The following FUBP3 variants were observed in gnomAD, a reference collection of about 807,000 sequenced individuals.
FUBP3 encodes far upstream element-binding protein 3.
In FUBP3, 28 loss-of-function variants were observed where a neutral mutation model predicts 85.6. That is an observed-to-expected ratio of 0.33 (90% CI 0.24 to 0.45). The LOEUF is 0.45. Among genes scored for constraint, FUBP3 ranks in the 20% least tolerant of loss-of-function variants. The probability of loss-of-function intolerance (pLI) is 1.00; values close to 1 mark genes in which losing one functional copy is unlikely to be tolerated. For missense variants in FUBP3, 583 were observed against 755.1 expected, an observed-to-expected ratio of 0.77 and a Z score of 2.67; for synonymous variants, 271 against 271.4, an observed-to-expected ratio of 1.00 and a Z score of 0.01.
At chr9:130,594,783 C>T (rs1830784555) in intron 1 of FUBP3, among the ~76,000 whole-genome samples, 1 of 150,668 alleles carries the variant, frequency 6.6e-6, no homozygotes, top group African/African-American at 2.4e-5. Context: ...TGAGGCCTTT[C>T]AAATATTCTT....
chr9:130,623,770 G>C lies in FUBP3; in HGVS notation c.975+59G>C, dbSNP rs145112455. 1.4e-5 allele frequency: 16 copies of C among 1,140,750 alleles called. No homozygotes were observed. The South Asian group carries it at 2.0e-4, about 14-fold the overall frequency. The allele number at this position is 1,140,750 out of a possible 1,614,324, so 70.7% of individuals were successfully genotyped here. ...GCTGCAGAAGTGGAAAGTGCTACCC[G>C]GGGCTCTCGGTGCAGCACCATAGAG... On this transcript the variant is annotated intron_variant, in intron 11 of 18. Transcript: ENST00000319725.
chr9:130,609,431 G>A (rs1261739562), intron 2 of FUBP3, among the ~76,000 whole-genome samples: 1 of 148,714 alleles, frequency 6.7e-6, no homozygotes, highest in East Asian at 2.0e-4. Context: ...AGATGCTTAT[G>A]GTCTTGGGGG....
chr9:130,636,099 G>T lies in FUBP3; in HGVS notation c.1683G>T (p.Thr561=). 2 of 1,613,620 alleles carry T rather than the reference G, an allele frequency of 1.2e-6. No homozygotes were observed. Among genetic ancestry groups the T allele is most frequent in the Non-Finnish European group, 1.7e-6 (2 of 1,179,894 alleles). The part of the protein sequence containing the change: ...YRQQVAFYGQ[T]LGQAQAHSQE... The stretch of plus-strand genomic sequence containing the variant: ...AGCAGGTCGCTTTCTACGGACAGAC[G>T]TTAGGGCAGGCGCAGGCCCACAGCC... The change falls in exon 18 of 19, where the codon ACG becomes ACT. Residue 561 remains threonine, a synonymous_variant. Transcript: ENST00000319725.
chr9:130,581,057 G>A (rs921404587), intron 1 of FUBP3: 4 of 152,168 alleles, frequency 2.6e-5, no homozygotes, highest in Non-Finnish European at 5.9e-5. Flanking sequence ...TTTCTCACTG[G>A]CTACTAATAT....
Position 130,631,976 on chromosome 9 carries a change from A to G in FUBP3, c.1387A>G (p.Asn463Asp), listed in dbSNP as rs1158879035. Residue 463 changes from asparagine (N) to aspartate (D), a missense_variant, in exon 15 of 19, where the codon AAC (asparagine) becomes GAC (aspartate). Around this residue, in one of 3 missense-constraint regions of FUBP3, gnomAD observed 404 missense variants for 516.8 expected, o/e 0.78. Transcript: ENST00000319725. ...FPPRSSGCFP[N>D]MAAKVNGNPH... Reference sequence around the variant, plus strand: ...TCCAAGGAGCTCCGGGTGCTTCCCAAACATGGCTGCCAAGGTGAATGGGAA... The same window carrying G: ...TCCAAGGAGCTCCGGGTGCTTCCCAGACATGGCTGCCAAGGTGAATGGGAA... The G allele has an allele frequency of 6.2e-7, 1 of 1,613,832 alleles. No homozygotes were observed. The highest frequency in any genetic ancestry group is 1.3e-5 in the African/African-American group (1 of 75,056).
At chr9:130,600,704 G>A (rs1588129387) in intron 2 of FUBP3, among the ~76,000 whole-genome samples, 3 of 152,104 alleles carry the variant, frequency 2.0e-5, no homozygotes, top group African/African-American at 7.2e-5. Context: ...CAGGCATGGT[G>A]GCTTATGCCT....
intron 12 of FUBP3, among the ~76,000 whole-genome samples, chr9:130,627,569 C>G (rs542997655): frequency 6.6e-6 from 1 of 152,206 alleles, no homozygotes; most frequent in African/African-American, 2.4e-5. Flanking sequence ...TTGCAAAATG[C>G]AAGAAACCGT....
chr9:130,617,466 T>A (rs994202938), intron 7 of FUBP3, among the ~76,000 whole-genome samples: 48 of 152,192 alleles, frequency 3.2e-4, no homozygotes, highest in African/African-American at 1.1e-3. Flanking sequence ...GACTTGACTG[T>A]CAGTTCCACA....
At chr9:130,613,682 G>A (rs1445205911) in intron 5 of FUBP3, among the ~76,000 whole-genome samples, 2 of 152,226 alleles carry the variant, frequency 1.3e-5, no homozygotes, top group Non-Finnish European at 2.9e-5. Context: ...GTGTCTTGAA[G>A]GCAGTAAGTC....
At chr9:130,592,994 C>T (rs1830704534) in intron 1 of FUBP3, among the ~76,000 whole-genome samples, 1 of 152,060 alleles carries the variant, frequency 6.6e-6, no homozygotes, top group Admixed American at 6.6e-5. Flanking sequence ...ATATCTAGTT[C>T]CTTCCATGCT....
chr9:130,606,392 C>G (rs1026293234), intron 2 of FUBP3, among the ~76,000 whole-genome samples: 8 of 152,170 alleles, frequency 5.3e-5, no homozygotes, highest in East Asian at 3.8e-4. Flanking sequence ...CTCCCCACCC[C>G]CCCCCAACAG....
intron 3 of FUBP3, among the ~76,000 whole-genome samples, chr9:130,611,792 T>C (rs1009499399): frequency 4.1e-5 from 6 of 147,522 alleles, no homozygotes; most frequent in African/African-American, 1.3e-4. Flanking sequence ...AAAAAGCCAG[T>C]GCAGTAGTAG....
rs1159180464 is a variant in FUBP3 at position 130,612,429 on chromosome 9, T to A, written c.225-27T>A. 6.7e-7 allele frequency: 1 copy of A among 1,503,596 alleles called. No individual in the cohort carries two copies. The highest frequency in any genetic ancestry group is 2.3e-5 in the East Asian group (1 of 44,400). The allele number at this position is 1,503,596 out of a possible 1,614,324, so 93.1% of individuals were successfully genotyped here. ...GCTGCAAAAGTCTGTATTCTGTATTTTTTTCCAAAATGTTCTTTGTTTTTA... is the reference window on the plus strand; with the variant it reads ...GCTGCAAAAGTCTGTATTCTGTATTATTTTCCAAAATGTTCTTTGTTTTTA... On this transcript the variant is annotated intron_variant, in intron 3 of 18. Transcript: ENST00000319725. This position sits in a 1 kb window ranked among gnomAD's most constrained non-coding sequence, Gnocchi z 4.1.
chr9:130,619,082 T>C (rs1222011560), intron 8 of FUBP3, among the ~76,000 whole-genome samples: 1 of 152,212 alleles, frequency 6.6e-6, no homozygotes, highest in African/African-American at 2.4e-5. Context: ...GCTCCAGTAC[T>C]GTGATGGTGT....
intron 6 of FUBP3, among the ~76,000 whole-genome samples, chr9:130,615,561 G>A (rs1831961024): frequency 6.6e-6 from 1 of 152,228 alleles, no homozygotes; most frequent in Admixed American, 6.5e-5. Context: ...ACAACCAGGA[G>A]AAATTCTGGT....
intron 1 of FUBP3, chr9:130,580,998 G>C (rs1305915018): frequency 1.3e-5 from 2 of 152,312 alleles, no homozygotes; most frequent in African/African-American, 4.8e-5. Flanking sequence ...CACTCTGCTT[G>C]CTGGCGTGTT....
Position 130,636,040 on chromosome 9 carries a change from G to A in FUBP3, c.1624G>A (p.Asp542Asn). 1 of 1,571,410 alleles carries A rather than the reference G, an allele frequency of 6.4e-7. No homozygotes were observed. The highest frequency in any genetic ancestry group is 8.6e-7 in the Non-Finnish European group (1 of 1,160,436). Residue 542 changes from aspartate to asparagine, a missense_variant, in exon 18 of 19, where the codon GAC becomes AAC. Transcript: ENST00000319725. ...TGCTCCTCAGGCCAGCTCCCCACCG[G>A]ACTACACAATGGCCTGGGCAGAATA... is the stretch of plus-strand genomic sequence containing the variant. ...SAAPQASSPP[D>N]YTMAWAEYYR... is the part of the protein sequence containing the mutation.
intron 1 of FUBP3, among the ~76,000 whole-genome samples, chr9:130,587,439 T>A (rs1236715165): frequency 6.6e-6 from 1 of 152,078 alleles, no homozygotes; most frequent in Non-Finnish European, 1.5e-5. Flanking sequence ...AATGGGAGTG[T>A]CACATTTAGG....
intron 2 of FUBP3, among the ~76,000 whole-genome samples, chr9:130,602,342 GAGTGAAAT>G (rs1831197575): frequency 6.6e-6 from 1 of 152,146 alleles, no homozygotes; most frequent in South Asian, 2.1e-4. Context: ...TTTGCAGGAA[GAGTGAAAT>G]AGACTATTTC....
Sources: gnomAD v4.1 joint callset for allele counts (sites outside exome capture counted in the v4.1 genomes callset) on GRCh38, gnomAD v4.1.1 for gene constraint, gnomAD v4.1.1 regional missense constraint, Gnocchi (gnomAD v3.1) non-coding constraint, MANE v1.5 for transcripts, NCBI Gene and HGNC (gene_info 2026-07-23, HGNC 2026-07-21) for gene names.